Variants in SALL4 observed in about 807,000 individuals in gnomAD.
SALL4 encodes the protein spalt like transcription factor 4.
In SALL4, 4 loss-of-function variants were observed where a neutral mutation model predicts 60.8. That is an observed-to-expected ratio of 0.07 (90% CI 0.03 to 0.15). The LOEUF is 0.15. Ranked by LOEUF, SALL4 falls within the 10% of genes least tolerant of loss-of-function variation. The pLI is 1.00. For synonymous variants in SALL4, 580 were observed against 574.9 expected (o/e 1.01, Z -0.13); for missense variants, 1,178 against 1,394.7 (o/e 0.84, Z 2.48).
At position 51,792,269 on chromosome 20, in the gene SALL4, G is replaced by C. The variant is rs1373927324; in HGVS notation, c.214C>G (p.His72Asp). Residue 72 changes from histidine to aspartate, a missense_variant, in exon 2 of 4, where the codon CAC becomes GAC. By Grantham distance (81) the His-to-Asp change is moderately conservative. Transcript: ENST00000217086. ...TVKRLRREET[H>D]VCEKCCAEFF... The stretch of plus-strand genomic sequence containing the variant: ...TCCGCACAGCATTTCTCACAGACGT[G>C]CGTCTCCTCCCGACGAAGCCGCTTT... The C allele has an allele frequency of 4.3e-6, 7 of 1,613,100 alleles. No homozygotes were observed. The highest frequency in any genetic ancestry group is 5.9e-6 in the Non-Finnish European group (7 of 1,180,026).
At chr20:51,799,994 T>C (rs2078100183) in intron 1 of SALL4, among the ~76,000 whole-genome samples, 1 of 152,162 alleles carries the variant, frequency 6.6e-6, no homozygotes, top group African/African-American at 2.4e-5. Context: ...CTAACACATA[T>C]AATTTTAGGC....
chr20:51,784,529 A>C lies in SALL4; in HGVS notation c.2898T>G (p.Pro966=). The stretch of plus-strand genomic sequence containing the variant: ...TGCTGGTGTACTGGTTCCACACAAC[A>C]GGGTCCACATTCACTGAAGGGGCCA... The part of the protein sequence containing the change: ...EILAPSVNVD[P]VVWNQYTSML... Residue 966 remains proline, a synonymous_variant, in exon 4 of 4, where the codon CCT becomes CCG. Coordinates refer to ENST00000217086, the MANE Select transcript of SALL4 (RefSeq NM_020436.5). 6.2e-7 allele frequency: 1 copy of C among 1,614,126 alleles called. No homozygotes were observed. Among genetic ancestry groups the C allele is most frequent in the Non-Finnish European group, 8.5e-7 (1 of 1,180,016 alleles).
In SALL4 at chr20:51,790,291, T is replaced by G; in HGVS notation, c.2192A>C (p.Asp731Ala). 2 of 1,614,122 alleles carry G rather than the reference T, an allele frequency of 1.2e-6. No individual in the cohort carries two copies. Among genetic ancestry groups the G allele is most frequent in the Non-Finnish European group, 1.7e-6 (2 of 1,180,024 alleles). ...GGCAGGACCCACTTTCCCTGGGGCA[T>G]CTAAGGAAGCCATCATGGCAAACCC... ...TLGFAMMASL[D>A]APGKVGPAPF... Residue 731 changes from aspartate to alanine, a missense_variant, in exon 2 of 4, where the codon GAT becomes GCT. Physicochemically the swap from Asp to Ala is moderately radical, Grantham distance 126. Transcript: ENST00000217086. This position sits in a 1 kb window ranked among gnomAD's most constrained non-coding sequence, Gnocchi z 5.5.
Position 51,792,144 on chromosome 20 carries a change from T to C in SALL4, c.339A>G (p.Glu113=), listed in dbSNP as rs73911279. Residue 113 remains glutamate (E), a synonymous_variant, in exon 2 of 4, where the codon GAA becomes GAG. Transcript: ENST00000217086. ...GGCTCAGTACAGCTCCGGAGAAGTC[T>C]TCTGAAGGCACAGGCCCCTCGCTGT... ...MNDSEGPVPS[E]DFSGAVLSHQ... is the part of the protein sequence containing the mutation. 9.2e-5 allele frequency: 148 copies of C among 1,614,202 alleles called. No individual in the cohort carries two copies. The African/African-American group carries it at 1.5e-3, about 17-fold the overall frequency.
At position 51,791,142 on chromosome 20, in the gene SALL4, G is replaced by C; in HGVS notation, c.1341C>G (p.Asp447Glu). 6.2e-7 allele frequency: 1 copy of C among 1,614,172 alleles called. No individual in the cohort carries two copies. The highest frequency in any genetic ancestry group is 8.5e-7 in the Non-Finnish European group (1 of 1,180,032). Reference sequence around the variant, plus strand: ...GGATGCCATTGCCGGCCGCCACTTTGTCCTGGAACTCGGCAAACAGCTGGG... The same window carrying C: ...GGATGCCATTGCCGGCCGCCACTTTCTCCTGGAACTCGGCAAACAGCTGGG... ...ANPQLFAEFQ[D>E]KVAAGNGIPY... The change falls in exon 2 of 4, where the codon GAC (aspartate) becomes GAG (glutamate). Residue 447 changes from aspartate (D) to glutamate (E), a missense_variant. Coordinates refer to ENST00000217086, the MANE Select transcript of SALL4 (RefSeq NM_020436.5). The surrounding 1 kb of genome is among the most constrained non-coding windows in gnomAD (Gnocchi z 4.6).
chr20:51,798,488 C>T (rs991534681), intron 1 of SALL4, among the ~76,000 whole-genome samples: 2 of 151,856 alleles, frequency 1.3e-5, no homozygotes, highest in African/African-American at 4.8e-5. Flanking sequence ...TGGTGACTGG[C>T]GATGCAGTTC....
At chr20:51,793,886 G>A (rs775171025) in intron 1 of SALL4, among the ~76,000 whole-genome samples, 13 of 152,158 alleles carry the variant, frequency 8.5e-5, no homozygotes, top group Non-Finnish European at 1.5e-4. Context: ...GGTGGGTCAG[G>A]GGAAGAGACA....
intron 1 of SALL4, among the ~76,000 whole-genome samples, chr20:51,795,360 C>G (rs973551758): frequency 1.1e-4 from 16 of 152,030 alleles, no homozygotes; most frequent in Non-Finnish European, 2.4e-4. Flanking sequence ...TGAGCCGAGA[C>G]AGTGCCACTG....
chr20:51,784,033 C>A lies in SALL4; in HGVS notation c.*232G>T, dbSNP rs1295256243. On this transcript the variant is annotated 3_prime_UTR_variant, in exon 4 of 4. Transcript: ENST00000217086. The stretch of plus-strand genomic sequence containing the variant: ...AGACTCCATCTCAAAAAAAAAGAGT[C>A]TGTATTTGTTTTGGTATGCATTTTT... 10 of 562,296 alleles carry A rather than the reference C, an allele frequency of 1.8e-5. No individual in the cohort carries two copies. The East Asian group carries it at 3.1e-4, about 18-fold the overall frequency. 34.8% of individuals were successfully genotyped at this position (562,296 alleles called of 1,614,324 possible). A position where few individuals can be genotyped will look rare whatever the true frequency, so the allele number is the denominator to read the frequency against.
chr20:51,797,566 T>C (rs908153385), intron 1 of SALL4: 1 of 151,938 alleles, frequency 6.6e-6, no homozygotes, highest in Non-Finnish European at 1.5e-5. Context: ...CACTGGTAAA[T>C]ACCGCAACTG....
chr20:51,782,549 G>GC lies in SALL4; in HGVS notation c.*1715dup, dbSNP rs2077961736. ...ATTCCAGAAGGAAAGGCACAACTTG[G>GC]CAAAAAAAAAAAAAAAAAAAAAAAA... On this transcript the variant is annotated 3_prime_UTR_variant, in exon 4 of 4. Transcript: ENST00000217086. The GC allele has an allele frequency of 3.5e-5, 1 of 28,670 alleles. No individual in the cohort carries two copies. The highest frequency in any genetic ancestry group is 5.3e-5 in the Non-Finnish European group (1 of 18,720). The allele number at this position is 28,670 out of a possible 1,614,324, so 1.8% of individuals were successfully genotyped here. A position where few individuals can be genotyped will look rare whatever the true frequency, so the allele number is the denominator to read the frequency against.
intron 3 of SALL4, among the ~76,000 whole-genome samples, chr20:51,785,311 A>G (rs1348656640): frequency 6.6e-6 from 1 of 152,094 alleles, no homozygotes; most frequent in Non-Finnish European, 1.5e-5. Flanking sequence ...AAAAAAAAAT[A>G]AAAAATAAAA....
rs768322315 is a variant in SALL4, at chr20:51,791,133, C to A, written c.1350G>T (p.Ala450=). ...GTGCATAGGGGATGCCATTGCCGGC[C>A]GCCACTTTGTCCTGGAACTCGGCAA... The part of the protein sequence containing the change: ...QLFAEFQDKV[A]AGNGIPYALS... The change falls in exon 2 of 4, where the codon GCG becomes GCT. Residue 450 remains alanine (A), a synonymous_variant. Coordinates refer to ENST00000217086, the MANE Select transcript of SALL4 (RefSeq NM_020436.5). The surrounding 1 kb of genome is among the most constrained non-coding windows in gnomAD (Gnocchi z 4.6). 1 of 1,614,094 alleles carries A rather than the reference C, an allele frequency of 6.2e-7. No homozygotes were observed. The highest frequency in any genetic ancestry group is 8.5e-7 in the Non-Finnish European group (1 of 1,180,018).
intron 1 of SALL4, among the ~76,000 whole-genome samples, chr20:51,793,648 C>G (rs947851314): frequency 3.9e-5 from 6 of 152,094 alleles, no homozygotes; most frequent in Non-Finnish European, 8.8e-5. Context: ...AGGCTGGTCT[C>G]AAACTCCTGG....
chr20:51,788,699 A>AAAAT lies in SALL4; in HGVS notation c.2742+158_2742+161dup, dbSNP rs757181196. On this transcript the variant is annotated intron_variant, in intron 3 of 3. Coordinates refer to ENST00000217086, the MANE Select transcript of SALL4 (RefSeq NM_020436.5). This position sits in a 1 kb window ranked among gnomAD's most constrained non-coding sequence, Gnocchi z 4.1. ...GGCGACAGAGTGAGACTCCGTCTCAAAAATAAATAAATAAATAAACAAACT... is the reference window on the plus strand; with the variant it reads ...GGCGACAGAGTGAGACTCCGTCTCAAAAATAAATAAATAAATAAATAAACAAACT... 5.3e-5 allele frequency among the ~76,000 whole-genome samples: 8 copies of AAAAT among 152,012 alleles called. No homozygotes were observed. The highest frequency in any genetic ancestry group is 1.7e-4 in the African/African-American group (7 of 41,386).
At chr20:51,799,113 C>T (rs2078095721) in intron 1 of SALL4, among the ~76,000 whole-genome samples, 1 of 152,206 alleles carries the variant, frequency 6.6e-6, no homozygotes, top group African/African-American at 2.4e-5. Context: ...CCTCAACTGG[C>T]AGCTCAACAC....
rs776239962 is a variant in SALL4 at position 51,791,252 on chromosome 20, C to G, written c.1231G>C (p.Val411Leu). Residue 411 changes from valine to leucine, a missense_variant, in exon 2 of 4, where the codon GTG becomes CTG. By Grantham distance (32) the Val-to-Leu change is conservative. Coordinates refer to ENST00000217086, the MANE Select transcript of SALL4 (RefSeq NM_020436.5). This position sits in a 1 kb window ranked among gnomAD's most constrained non-coding sequence, Gnocchi z 4.6. ...LRSHTGERPF[V>L]CSVCGHRFTT... Reference sequence around the variant, plus strand: ...AAGCGATGACCACAGACAGAGCACACGAAGGGTCTCTCTCCAGTGTGGGAG... The same window carrying G: ...AAGCGATGACCACAGACAGAGCACAGGAAGGGTCTCTCTCCAGTGTGGGAG... 8 of 1,614,054 alleles carry G rather than the reference C, an allele frequency of 5.0e-6. No individual in the cohort carries two copies. In the Admixed American group the frequency reaches 8.3e-5, roughly 17 times the overall value.
Position 51,790,146 on chromosome 20 carries a change from G to A in SALL4, c.2337C>T (p.Ile779=), listed in dbSNP as rs138274486. The A allele has an allele frequency of 4.4e-5, 71 of 1,614,000 alleles. No individual in the cohort carries two copies. The highest frequency in any genetic ancestry group is 5.6e-5 in the Non-Finnish European group (66 of 1,180,028). Residue 779 remains isoleucine (I), a synonymous_variant, in exon 2 of 4, where the codon ATC becomes ATT. Transcript: ENST00000217086. The surrounding 1 kb of genome is among the most constrained non-coding windows in gnomAD (Gnocchi z 5.5). ...GTGCCTGGAAGGATGTGGTTTCCAG[G>A]ATATCTGGGCTTCGGCTCTGATACT... is the stretch of plus-strand genomic sequence containing the variant. ...DQEYQSRSPD[I]LETTSFQALS... is the part of the protein sequence containing the mutation.
At chr20:51,796,129 G>A (rs1277219691) in intron 1 of SALL4, among the ~76,000 whole-genome samples, 7 of 150,276 alleles carry the variant, frequency 4.7e-5, no homozygotes, top group African/African-American at 1.7e-4. Context: ...AACCCGGGAG[G>A]TGGAGGTTGC....
Sources: allele counts gnomAD v4.1 joint callset (sites outside exome capture counted in the v4.1 genomes callset), GRCh38; gene constraint gnomAD v4.1.1; non-coding constraint Gnocchi (gnomAD v3.1); transcripts MANE v1.5; gene names NCBI Gene and HGNC (gene_info 2026-07-23, HGNC 2026-07-21).